TOX2: variants seen among roughly 807,000 people sequenced by gnomAD.
TOX2 encodes the protein granulosa cell HMG box 1.
TOX2 carries 15 observed loss-of-function variants against 47.4 expected under a neutral mutation model. The observed-to-expected ratio is 0.32, with a 90% CI of 0.21 to 0.49. The LOEUF (loss-of-function observed/expected upper bound fraction) is 0.49, where lower values mean the gene tolerates loss of function less well. TOX2 is among the 20% of genes least tolerant of loss of function. The probability of loss-of-function intolerance (pLI) is 0.99; values close to 1 mark genes in which losing one functional copy is unlikely to be tolerated. For synonymous variants in TOX2, 290 were observed against 296.6 expected, an observed-to-expected ratio of 0.98 and a Z score of 0.23; for missense variants, 622 against 673.1, an observed-to-expected ratio of 0.92 and a Z score of 0.84.
Position 43,973,627 on chromosome 20 carries a change from C to G in TOX2, c.165+195C>G, listed in dbSNP as rs375457574. Among the ~76,000 whole-genome samples the G allele has an allele frequency of 2.0e-5, 3 of 152,330 alleles. No individual in the cohort carries two copies. In the South Asian group the frequency reaches 6.2e-4, roughly 32 times the overall value. Reference sequence around the variant, plus strand: ...TGGGACTATAGTGTTCGTAAATTAACTACCTGGCTACTGTTGGCTTAAAAT... The same window carrying G: ...TGGGACTATAGTGTTCGTAAATTAAGTACCTGGCTACTGTTGGCTTAAAAT... On this transcript the variant is annotated intron_variant, in intron 2 of 8. Coordinates refer to ENST00000341197, the MANE Select transcript of TOX2 (RefSeq NM_001098797.2).
At chr20:44,028,120 A>C (rs1270091946) in intron 3 of TOX2, among the ~76,000 whole-genome samples, 2 of 152,230 alleles carry the variant, frequency 1.3e-5, no homozygotes, top group African/African-American at 4.8e-5. Flanking sequence ...AATGGAAAAA[A>C]TAACAGGGTG....
intron 1 of TOX2, among the ~76,000 whole-genome samples, chr20:43,930,430 G>T (rs1021208664): frequency 6.6e-6 from 1 of 152,218 alleles, no homozygotes; most frequent in African/African-American, 2.4e-5. Context: ...GTCCAAGGAG[G>T]AAAGTTGAGA....
At chr20:44,068,150 T>C (rs1020108859) in intron 8 of TOX2, among the ~76,000 whole-genome samples, 14 of 152,056 alleles carry the variant, frequency 9.2e-5, no homozygotes, top group African/African-American at 2.7e-4. Context: ...ACCCCAGCCC[T>C]TTCCTGTCCC....
chr20:43,932,549 G>T (rs1168207112), intron 1 of TOX2, among the ~76,000 whole-genome samples: 1 of 152,240 alleles, frequency 6.6e-6, no homozygotes, highest in Non-Finnish European at 1.5e-5. Flanking sequence ...GCGACAGGCA[G>T]AGTTGACGGA....
chr20:43,962,602 T>G (rs6065678), intron 1 of TOX2, among the ~76,000 whole-genome samples: 42,228 of 152,150 alleles, frequency 0.28, 6,150 homozygotes, highest in Admixed American at 0.39. Flanking sequence ...AGGCCTCAGT[T>G]AACATTTGTT....
At chr20:44,054,634 T>G in intron 5 of TOX2, 108 bp downstream of exon 5, 2 of 1,209,198 alleles carry the variant, frequency 1.7e-6, no homozygotes, top group Non-Finnish European at 2.4e-6. Flanking sequence ...CTAGAGACTC[T>G]TACAGAGGTC....
At position 44,069,476 on chromosome 20, in the gene TOX2, G is replaced by T. The variant is rs1369663723; in HGVS notation, c.*790G>T. The T allele has an allele frequency of 6.5e-6, 1 of 153,068 alleles. No homozygotes were observed. 9.5% of individuals were successfully genotyped at this position (153,068 alleles called of 1,614,324 possible). A position where few individuals can be genotyped will look rare whatever the true frequency, so the allele number is the denominator to read the frequency against. ...GAACGAAGTTACAGCTTATCCTACC[G>T]TGTGTGTGGTTTTGGGGTTTCGTTT... On this transcript the variant is annotated 3_prime_UTR_variant, in exon 9 of 9. Coordinates refer to ENST00000341197, the MANE Select transcript of TOX2 (RefSeq NM_001098797.2).
At chr20:43,997,062 C>A (rs2070494572) in intron 2 of TOX2, among the ~76,000 whole-genome samples, 1 of 152,136 alleles carries the variant, frequency 6.6e-6, no homozygotes, top group Non-Finnish European at 1.5e-5. Context: ...TGCTATACTC[C>A]AACTCTCAAC....
intron 2 of TOX2, among the ~76,000 whole-genome samples, chr20:43,974,054 C>T (rs535375631): frequency 6.6e-6 from 1 of 152,314 alleles, no homozygotes; most frequent in East Asian, 1.9e-4. Flanking sequence ...TAATGTTTCT[C>T]TCAGCTGGGA....
chr20:43,970,392 G>A (rs1397330126), intron 1 of TOX2, among the ~76,000 whole-genome samples: 1 of 152,180 alleles, frequency 6.6e-6, no homozygotes, highest in Non-Finnish European at 1.5e-5. Context: ...TGCTTATCGG[G>A]GAATGAAGCA....
chr20:43,983,707 A>G (rs1287100988), intron 2 of TOX2, among the ~76,000 whole-genome samples: 1 of 152,196 alleles, frequency 6.6e-6, no homozygotes, highest in Non-Finnish European at 1.5e-5. Flanking sequence ...CTAAATGATG[A>G]TACCGATGAT....
chr20:43,927,676 TCTTC>T (rs2069193339), intron 1 of TOX2, among the ~76,000 whole-genome samples: 1 of 93,380 alleles, frequency 1.1e-5, no homozygotes, highest in Non-Finnish European at 1.8e-5. Context: ...TTCCTTCCTT[TCTTC>T]CTTCCTTCCC....
chr20:43,935,184 G>A (rs972227929), intron 1 of TOX2, among the ~76,000 whole-genome samples: 11 of 152,090 alleles, frequency 7.2e-5, no homozygotes, highest in Non-Finnish European at 1.6e-4. Context: ...GGGAGGATTC[G>A]GTTCTGAATT....
intron 3 of TOX2, among the ~76,000 whole-genome samples, chr20:44,040,237 A>G: frequency 6.6e-6 from 1 of 152,222 alleles, no homozygotes; most frequent in East Asian, 1.9e-4. Context: ...GGATGCCCCT[A>G]TCTGTAGGTG....
At chr20:44,026,890 G>T (rs1406831381) in intron 3 of TOX2, among the ~76,000 whole-genome samples, 2 of 152,100 alleles carry the variant, frequency 1.3e-5, no homozygotes, top group Non-Finnish European at 2.9e-5. Flanking sequence ...CCTGGGAAAG[G>T]ATCTGGGAAG....
intron 3 of TOX2, among the ~76,000 whole-genome samples, chr20:44,022,375 T>C (rs1215482099): frequency 1.3e-5 from 2 of 152,228 alleles, no homozygotes; most frequent in African/African-American, 4.8e-5. Flanking sequence ...GAAAATCAGA[T>C]GCTGTCATGA....
At chr20:44,020,815 G>A (rs974687103) in intron 3 of TOX2, among the ~76,000 whole-genome samples, 1 of 152,188 alleles carries the variant, frequency 6.6e-6, no homozygotes, top group African/African-American at 2.4e-5. Context: ...GTTGTTTTAG[G>A]ACACATAGGA....
intron 1 of TOX2, among the ~76,000 whole-genome samples, chr20:43,928,496 A>G (rs147588884): frequency 3.9e-5 from 6 of 152,362 alleles, no homozygotes; most frequent in African/African-American, 1.4e-4. Flanking sequence ...AAATGTCTGC[A>G]TGCCGACCTG....
At chr20:43,944,922 T>G (rs551040584) in intron 1 of TOX2, among the ~76,000 whole-genome samples, 7 of 152,210 alleles carry the variant, frequency 4.6e-5, no homozygotes, top group Non-Finnish European at 1.0e-4. Flanking sequence ...TTTCAAAGTC[T>G]GCCTTCTTCA....
Sources: allele counts gnomAD v4.1 joint callset (sites outside exome capture counted in the v4.1 genomes callset), GRCh38; gene constraint gnomAD v4.1.1; transcripts MANE v1.5; gene names NCBI Gene and HGNC (gene_info 2026-07-23, HGNC 2026-07-21).